Variants in CPLX1 observed in about 807,000 individuals in gnomAD.
The protein encoded by CPLX1 is complexin 1.
CPLX1 carries 6 observed loss-of-function variants against 15.6 expected under a neutral mutation model. The observed-to-expected ratio is 0.39, with a 90% confidence interval of 0.21 to 0.76. The LOEUF is 0.76. Ranked by LOEUF, CPLX1 falls within the 30% of genes least tolerant of loss-of-function variation. CPLX1 has a pLI of 0.43. For synonymous variants in CPLX1, 91 were observed against 75.2 expected, an observed-to-expected ratio of 1.21 and a Z score of -1.08; for missense variants, 242 against 188.6, an observed-to-expected ratio of 1.28 and a Z score of -1.66.
In CPLX1 at chr4:798,411, TAC is replaced by T. The variant is rs200252836; in HGVS notation, c.32-5805_32-5804del. Among the ~76,000 whole-genome samples the T allele has an allele frequency of 9.9e-3, 1,511 of 152,304 alleles. 29 individuals are homozygous for T. Among genetic ancestry groups the T allele is most frequent in the African/African-American group, 0.035 (1,438 of 41,562 alleles). ...ATTCAATGAGGGTGAGGATAGTCCT[TAC>T]TTCTGTTTTCTTTTCTTAGACAGGG... On this transcript the variant is annotated intron_variant, in intron 2 of 3. Coordinates refer to ENST00000304062, the MANE Select transcript of CPLX1 (RefSeq NM_006651.4).
chr4:805,563 CAT>C (rs1223720244), intron 2 of CPLX1, among the ~76,000 whole-genome samples: 1 of 152,236 alleles, frequency 6.6e-6, no homozygotes, highest in Admixed American at 6.5e-5. Flanking sequence ...AAAAATTAAA[CAT>C]AGAATTGCCA....
chr4:787,060 G>C (rs1746017534), intron 3 of CPLX1: 3 of 985,366 alleles, frequency 3.0e-6, no homozygotes, highest in Middle Eastern at 5.2e-4. Context: ...GGGGTGGGCA[G>C]GATGCTGCGT....
At chr4:810,840 G>A (rs1576995154) in intron 2 of CPLX1, among the ~76,000 whole-genome samples, 1 of 151,818 alleles carries the variant, frequency 6.6e-6, no homozygotes, top group Non-Finnish European at 1.5e-5. Context: ...GGGATTACAG[G>A]TGCCCGCCAC....
chr4:792,632 G>T (rs370860166), intron 2 of CPLX1, 24 bp from the exon 3 acceptor site: 13 of 1,600,636 alleles, frequency 8.1e-6, no homozygotes, highest in Admixed American at 1.7e-5. Flanking sequence ...TGGTGATTCA[G>T]ACCGCCCCAT....
intron 1 of CPLX1, among the ~76,000 whole-genome samples, chr4:825,485 C>CGGGGAAG (rs1746961331): frequency 6.6e-6 from 1 of 151,744 alleles, no homozygotes; most frequent in Admixed American, 6.5e-5. Flanking sequence ...TCCCGCGGCG[C>CGGGGAAG]GGGGAAGGAG....
chr4:787,985 T>C, intron 3 of CPLX1: 1 of 985,332 alleles, frequency 1.0e-6, no homozygotes, highest in Non-Finnish European at 1.2e-6. Flanking sequence ...GGATCTGAGA[T>C]TACAGGTGCT....
rs560257730 is a variant in CPLX1 at position 813,474 on chromosome 4, C to T, written c.31+11018G>A. Among the ~76,000 whole-genome samples, 4 of 152,036 alleles carry T rather than the reference C, an allele frequency of 2.6e-5. No homozygotes were observed. In the East Asian group the frequency reaches 5.8e-4, roughly 22 times the overall value. On this transcript the variant is annotated intron_variant, in intron 2 of 3. Coordinates refer to ENST00000304062, the MANE Select transcript of CPLX1 (RefSeq NM_006651.4). ...TGGGACTGGAGGCCCTGCTGTCAGG[C>T]GAGTGGGGCAGACATGAGGGATGGT... is the stretch of plus-strand genomic sequence containing the variant.
intron 2 of CPLX1, among the ~76,000 whole-genome samples, chr4:792,924 C>G (rs1226500234): frequency 6.6e-6 from 1 of 152,138 alleles, no homozygotes; most frequent in Non-Finnish European, 1.5e-5. Context: ...TGACTGCGTG[C>G]TTATGCGTAC....
rs149339547 is a variant in CPLX1 at position 820,927 on chromosome 4, C to G, written c.31+3565G>C. Among the ~76,000 whole-genome samples, 88 of 152,306 alleles carry G rather than the reference C, an allele frequency of 5.8e-4. No individual in the cohort carries two copies. In the East Asian group the frequency reaches 0.013, roughly 22 times the overall value. ...GGGGGCGCGGAGGGGCTCTCCCACA[C>G]GGTGGAACCCTGCACTTCCTGCCTG... On this transcript the variant is annotated intron_variant, in intron 2 of 3. Transcript: ENST00000304062.
At chr4:805,539 CT>C (rs1746541434) in intron 2 of CPLX1, among the ~76,000 whole-genome samples, 1 of 152,234 alleles carries the variant, frequency 6.6e-6, no homozygotes, top group Non-Finnish European at 1.5e-5. Context: ...TGGAAACAGT[CT>C]GGCTGTTCCT....
At chr4:787,397 C>A in intron 3 of CPLX1, 1 of 984,062 alleles carries the variant, frequency 1.0e-6, no homozygotes, top group Non-Finnish European at 1.2e-6. Context: ...GAATATTGTC[C>A]CCCTCAAATT....
chr4:823,334 G>A (rs1440018565), intron 2 of CPLX1, among the ~76,000 whole-genome samples: 2 of 152,140 alleles, frequency 1.3e-5, no homozygotes, highest in East Asian at 1.9e-4. Flanking sequence ...AATTTGTGTT[G>A]AGTGGAAGCA....
At chr4:791,668 T>C (rs933207661) in intron 3 of CPLX1, among the ~76,000 whole-genome samples, 1 of 152,178 alleles carries the variant, frequency 6.6e-6, no homozygotes, top group Non-Finnish European at 1.5e-5. Flanking sequence ...GGCAGGGGAC[T>C]GAGGCCACCT....
intron 2 of CPLX1, among the ~76,000 whole-genome samples, chr4:805,748 CAGAAT>C (rs1467304410): frequency 6.6e-6 from 1 of 152,096 alleles, no homozygotes; most frequent in Non-Finnish European, 1.5e-5. Context: ...GTGGTGTAGA[CAGAAT>C]GGAATATTAT....
In CPLX1 at chr4:788,335, TGGGTGTGG is replaced by T. The variant is rs1250941602; in HGVS notation, c.208-1645_208-1638del. 1.5e-5 allele frequency: 15 copies of T among 985,250 alleles called. No homozygotes were observed. In the African/African-American group the frequency reaches 2.6e-4, roughly 17 times the overall value. The allele number at this position is 985,250 out of a possible 1,614,324, so 61.0% of individuals were successfully genotyped here. On this transcript the variant is annotated intron_variant, in intron 3 of 3. Coordinates refer to ENST00000304062, the MANE Select transcript of CPLX1 (RefSeq NM_006651.4). ...CCTCCCCTAGGGCTGCAGGTGGCTC[TGGGTGTGG>T]GGGGCCAGGGCCACCTTCAGTGAGA...
chr4:789,474 C>T (rs535073228), intron 3 of CPLX1, among the ~76,000 whole-genome samples: 1 of 152,362 alleles, frequency 6.6e-6, no homozygotes, highest in East Asian at 1.9e-4. Flanking sequence ...ATTCAGCAAC[C>T]AGGTGGACAC....
At chr4:801,607 A>T (rs1477621012) in intron 2 of CPLX1, among the ~76,000 whole-genome samples, 1 of 152,234 alleles carries the variant, frequency 6.6e-6, no homozygotes, top group East Asian at 1.9e-4. Flanking sequence ...CGTGCTGTGC[A>T]GGGTTGTGCC....
intron 2 of CPLX1, among the ~76,000 whole-genome samples, chr4:802,014 G>C (rs1746469435): frequency 1.3e-5 from 2 of 152,216 alleles, no homozygotes; most frequent in Admixed American, 6.5e-5. Flanking sequence ...CTGTACAACT[G>C]AACATGCCAC....
chr4:794,497 C>G (rs980197195), intron 2 of CPLX1, among the ~76,000 whole-genome samples: 1 of 152,220 alleles, frequency 6.6e-6, no homozygotes, highest in Non-Finnish European at 1.5e-5. Flanking sequence ...GCCCATGACT[C>G]AAGGGAAACT....
Sources: gnomAD v4.1 joint callset for allele counts (sites outside exome capture counted in the v4.1 genomes callset) on GRCh38, gnomAD v4.1.1 for gene constraint, MANE v1.5 for transcripts, NCBI Gene and HGNC (gene_info 2026-07-23, HGNC 2026-07-21) for gene names.